The following MDN1 variants were observed in gnomAD, a reference collection of about 807,000 sequenced individuals.
The protein encoded by MDN1 is midasin.
Under a neutral mutation model 669.2 loss-of-function variants are expected in MDN1, and 266 were observed. The observed-to-expected ratio is 0.40, with a 90% confidence interval of 0.36 to 0.44. The LOEUF (loss-of-function observed/expected upper bound fraction) is 0.44. Among genes scored for constraint, MDN1 ranks in the 20% least tolerant of loss-of-function variants. The pLI is 1.00. For synonymous variants in MDN1, 2,385 were observed against 2,457.1 expected (o/e 0.97, Z 0.87); for missense variants, 5,940 against 6,754.0 (o/e 0.88, Z 4.22).
At chr6:89,800,404 GCAA>G (rs1767558260) in intron 2 of MDN1, among the ~76,000 whole-genome samples, 2 of 152,132 alleles carry the variant, frequency 1.3e-5, no homozygotes, top group Non-Finnish European at 2.9e-5. Flanking sequence ...TCCAGCCTGA[GCAA>G]CAACAGCGAA....
At chr6:89,676,445 T>A (rs1023564075) in intron 76 of MDN1, among the ~76,000 whole-genome samples, 1 of 152,152 alleles carries the variant, frequency 6.6e-6, no homozygotes, top group African/African-American at 2.4e-5. Context: ...AATCTTCCTA[T>A]CTTGGCAGTG....
chr6:89,654,062 A>G, intron 93 of MDN1, 102 bp downstream of exon 93: 2 of 1,332,610 alleles, frequency 1.5e-6, no homozygotes, highest in Admixed American at 4.4e-5. Flanking sequence ...TAAGCCATGG[A>G]TTAGGACATG....
intron 7 of MDN1, among the ~76,000 whole-genome samples, chr6:89,788,640 G>A (rs1029874919): frequency 1.4e-4 from 21 of 152,266 alleles, no homozygotes; most frequent in Non-Finnish European, 4.4e-5. Flanking sequence ...AAGAGTTATC[G>A]AGAGGCTTTT....
rs550182454 is a variant in MDN1, at chr6:89,817,928, T to C, written c.102+1578A>G. On this transcript the variant is annotated intron_variant, in intron 1 of 101. Coordinates refer to ENST00000369393, the MANE Select transcript of MDN1 (RefSeq NM_014611.3). ...CTAGATGCTAGTAGCACCCCCATAA[T>C]GAATAGTTGTGATAACCATAAAGGT... 4.6e-5 allele frequency among the ~76,000 whole-genome samples: 7 copies of C among 152,196 alleles called. No individual in the cohort carries two copies. The South Asian group carries it at 1.5e-3, about 32-fold the overall frequency.
chr6:89,801,521 C>T (rs369648270), intron 2 of MDN1, among the ~76,000 whole-genome samples: 56 of 152,118 alleles, frequency 3.7e-4, no homozygotes, highest in East Asian at 2.7e-3. Flanking sequence ...TGTGGTGGCA[C>T]GCACCTGTAG....
chr6:89,654,076 C>G (rs1392967148), intron 93 of MDN1, 88 bp downstream of exon 93: 2 of 1,432,340 alleles, frequency 1.4e-6, no homozygotes, highest in Admixed American at 3.9e-5. Context: ...GGACATGGAA[C>G]TGAACACCAG....
intron 10 of MDN1, 40 bp downstream of exon 10, chr6:89,781,359 A>AAAAG: frequency 1.9e-6 from 3 of 1,592,460 alleles, no homozygotes; most frequent in Non-Finnish European, 2.6e-6. Context: ...TCACAAAAAA[A>AAAAG]AAAGAAAGAA....
At chr6:89,677,526 C>T (rs765254031) in intron 76 of MDN1, 44 bp downstream of exon 76, 1 of 1,608,188 alleles carries the variant, frequency 6.2e-7, no homozygotes, top group Non-Finnish European at 8.5e-7. Context: ...AAATTACTTG[C>T]TCCATTTATA....
intron 7 of MDN1, among the ~76,000 whole-genome samples, 168 bp downstream of exon 7, chr6:89,789,612 T>C (rs1819144799): frequency 1.3e-5 from 2 of 152,226 alleles, no homozygotes; most frequent in South Asian, 4.1e-4. Context: ...AGTCAAGTAA[T>C]TCAGGACCGC....
chr6:89,755,154 T>A lies in MDN1; in HGVS notation c.2817-924A>T, dbSNP rs151335166. On this transcript the variant is annotated intron_variant, in intron 20 of 101. Coordinates refer to ENST00000369393, the MANE Select transcript of MDN1 (RefSeq NM_014611.3). ...ACGTATTTACACTTTTGTCCAAATA[T>A]TCTTGGCTACCAAAAAGTATTCCAA... Among the ~76,000 whole-genome samples the A allele has an allele frequency of 2.5e-3, 386 of 152,252 alleles. 2 individuals are homozygous for A. The highest frequency in any genetic ancestry group is 6.3e-4 in the Non-Finnish European group (43 of 68,018).
At chr6:89,657,119 G>T (rs1188923755) in intron 90 of MDN1, among the ~76,000 whole-genome samples, 1 of 152,174 alleles carries the variant, frequency 6.6e-6, no homozygotes, top group Non-Finnish European at 1.5e-5. Flanking sequence ...TCATCAACCA[G>T]CTATGTACAC....
chr6:89,680,531 T>C, intron 74 of MDN1, 58 bp downstream of exon 74: 4 of 1,585,632 alleles, frequency 2.5e-6, no homozygotes, highest in Non-Finnish European at 3.4e-6. Flanking sequence ...TTCTCAGCCC[T>C]CCTGCGCCAC....
chr6:89,711,534 C>A (rs190299915), intron 49 of MDN1, among the ~76,000 whole-genome samples: 1 of 151,906 alleles, frequency 6.6e-6, no homozygotes, highest in African/African-American at 2.4e-5. Flanking sequence ...TTAGCGTCCA[C>A]GTATGTTGAT....
rs139837822 is a variant in MDN1 at position 89,680,667 on chromosome 6, G to A, written c.12187C>T (p.Arg4063Cys). 5.3e-5 allele frequency: 85 copies of A among 1,614,124 alleles called. No individual in the cohort carries two copies. Among genetic ancestry groups the A allele is most frequent in the African/African-American group, 4.3e-4 (32 of 75,038 alleles). ...AACGTCAGGCACATCTTCCTCATGC[G>A]TTTCCTGAGCTTTGGCAAGCGACGC... is the stretch of plus-strand genomic sequence containing the variant. ...LLRRLPKLRKRMRKMCLTFMK... is the reference protein window; with the variant it reads ...LLRRLPKLRKCMRKMCLTFMK... Residue 4063 changes from arginine (R) to cysteine (C), a missense_variant, in exon 74 of 102, where the codon CGC (arginine) becomes TGC (cysteine). Physicochemically the swap from Arg to Cys is radical, Grantham distance 180 (BLOSUM62 -3). This residue lies in a region of MDN1 where 2,280 missense variants were observed against 2,576.3 expected (regional missense o/e 0.88). Transcript: ENST00000369393.
chr6:89,759,123 A>C (rs373138680), intron 17 of MDN1, among the ~76,000 whole-genome samples, 163 bp from the exon 18 acceptor site: 2 of 152,330 alleles, frequency 1.3e-5, no homozygotes, highest in African/African-American at 4.8e-5. Context: ...GTTAAGGCCA[A>C]GTTAATTTTT....
rs747825662 is a variant in MDN1 at position 89,656,758 on chromosome 6, T to C, written c.15227A>G (p.His5076Arg). The change falls in exon 91 of 102, where the codon CAT becomes CGT. Residue 5076 changes from histidine to arginine, a missense_variant. By Grantham distance (29) the His-to-Arg change is conservative. Transcript: ENST00000369393. ...GAADANQAEGHESNFIAQLAS... is the reference protein window; with the variant it reads ...GAADANQAEGRESNFIAQLAS... ...CAACTGGGCAATGAAATTCGATTCA[T>C]GGCCTTCTGCCTGGTTTGCATCTGC... The C allele has an allele frequency of 2.5e-6, 4 of 1,613,736 alleles. No individual in the cohort carries two copies. In the African/African-American group the frequency reaches 4.0e-5, roughly 16 times the overall value.
At chr6:89,697,266 C>T (rs149273466) in intron 59 of MDN1, among the ~76,000 whole-genome samples, 2 of 152,072 alleles carry the variant, frequency 1.3e-5, no homozygotes, top group African/African-American at 2.4e-5. Flanking sequence ...AAATTTGCAT[C>T]CCTATATCAT....
At chr6:89,801,922 A>G (rs534569935) in intron 2 of MDN1, among the ~76,000 whole-genome samples, 12 of 152,136 alleles carry the variant, frequency 7.9e-5, no homozygotes, top group Non-Finnish European at 1.3e-4. Context: ...AGATCGTGCC[A>G]CTGCACTCCA....
At chr6:89,697,719 T>A (rs1461135709) in intron 59 of MDN1, among the ~76,000 whole-genome samples, 1 of 151,932 alleles carries the variant, frequency 6.6e-6, no homozygotes, top group Non-Finnish European at 1.5e-5. Context: ...GTAGCTGGGA[T>A]TCAGGCGCAC....
Sources: allele counts gnomAD v4.1 joint callset (sites outside exome capture counted in the v4.1 genomes callset), GRCh38; gene constraint gnomAD v4.1.1; regional missense constraint gnomAD v4.1.1; transcripts MANE v1.5; gene names NCBI Gene and HGNC (gene_info 2026-07-23, HGNC 2026-07-21).